LTBP1: variants seen among roughly 807,000 people sequenced by gnomAD.
LTBP1 encodes latent transforming growth factor beta binding protein 1.
In LTBP1, 129 loss-of-function variants were observed where a neutral mutation model predicts 207.6. That is an observed-to-expected ratio of 0.62 (90% CI 0.54 to 0.72). The LOEUF is 0.72. Ranked by LOEUF, LTBP1 falls within the 30% of genes least tolerant of loss-of-function variation. The probability of loss-of-function intolerance (pLI) is 0.00; values close to 1 mark genes in which losing one functional copy is unlikely to be tolerated. For synonymous variants in LTBP1, 963 were observed against 833.7 expected, an observed-to-expected ratio of 1.16 and a Z score of -2.67; for missense variants, 2,281 against 2,217.2, an observed-to-expected ratio of 1.03 and a Z score of -0.58.
chr2:33,268,942 G>A lies in LTBP1; in HGVS notation c.2618-4714G>A, dbSNP rs1204794089. 2.6e-5 allele frequency among the ~76,000 whole-genome samples: 4 copies of A among 152,100 alleles called. No homozygotes were observed. The South Asian group carries it at 8.3e-4, about 31-fold the overall frequency. The stretch of plus-strand genomic sequence containing the variant: ...GCCCAGACATTTAAAAAAACTATTT[G>A]CTCATCAGATCTTTTCCAGAACTCA... On this transcript the variant is annotated intron_variant, in intron 15 of 33. Transcript: ENST00000404816.
intron 24 of LTBP1, among the ~76,000 whole-genome samples, chr2:33,330,869 G>C (rs116000419): frequency 0.015 from 2,226 of 149,290 alleles, 23 homozygotes; most frequent in East Asian, 0.026. Flanking sequence ...TTTGTGCCTG[G>C]AATGTTTGTT....
At chr2:33,099,601 A>G (rs2079594316) in intron 3 of LTBP1, among the ~76,000 whole-genome samples, 1 of 152,198 alleles carries the variant, frequency 6.6e-6, no homozygotes, top group Non-Finnish European at 1.5e-5. Context: ...ACTTAGAGGA[A>G]TTTGGTAACA....
In LTBP1 at chr2:33,393,455, C is replaced by T. The variant is rs182639361; in HGVS notation, c.4835-3678C>T. On this transcript the variant is annotated intron_variant, in intron 32 of 33. Coordinates refer to ENST00000404816, the MANE Select transcript of LTBP1 (RefSeq NM_206943.4). ...ATCCCTCCCCCCTCCCCCAACCCCGCGAAAGGCCCTGGTGTGTGATGTTCC... is the reference window on the plus strand; with the variant it reads ...ATCCCTCCCCCCTCCCCCAACCCCGTGAAAGGCCCTGGTGTGTGATGTTCC... Among the ~76,000 whole-genome samples, 833 of 142,304 alleles carry T rather than the reference C, an allele frequency of 5.9e-3. 1 individual carries two copies. The highest frequency in any genetic ancestry group is 8.8e-3 in the Non-Finnish European group (574 of 65,304). 93.4% of individuals were successfully genotyped at this position (142,304 alleles called of 152,430 possible).
intron 3 of LTBP1, among the ~76,000 whole-genome samples, chr2:33,068,452 G>T (rs1010773220): frequency 6.6e-6 from 1 of 151,940 alleles, no homozygotes; most frequent in Non-Finnish European, 1.5e-5. Context: ...CATCATCATC[G>T]TCCAGAGTCC....
intron 2 of LTBP1, among the ~76,000 whole-genome samples, chr2:32,994,275 G>A (rs1475997243): frequency 6.6e-6 from 1 of 152,012 alleles, no homozygotes; most frequent in Non-Finnish European, 1.5e-5. Flanking sequence ...GTTTTCTATG[G>A]AATGTGTCTC....
chr2:33,383,183 G>A (rs2095235680), intron 31 of LTBP1, among the ~76,000 whole-genome samples: 2 of 152,096 alleles, frequency 1.3e-5, no homozygotes, highest in South Asian at 2.1e-4. Context: ...CTGAAACCCC[G>A]TCTCTACTAA....
chr2:33,292,495 C>T (rs527560170), intron 19 of LTBP1, among the ~76,000 whole-genome samples: 3 of 152,232 alleles, frequency 2.0e-5, no homozygotes, highest in South Asian at 2.1e-4. Flanking sequence ...GGATTTTGTT[C>T]GGATTAAATG....
At chr2:33,123,731 T>G (rs2150422852) in intron 4 of LTBP1, among the ~76,000 whole-genome samples, 1 of 152,276 alleles carries the variant, frequency 6.6e-6, no homozygotes, top group East Asian at 1.9e-4. Flanking sequence ...AGCAAAGACA[T>G]GAGGTAAGTT....
At chr2:32,986,160 A>G (rs959770342) in intron 2 of LTBP1, among the ~76,000 whole-genome samples, 19 of 152,268 alleles carry the variant, frequency 1.2e-4, no homozygotes, top group Middle Eastern at 3.4e-3. Flanking sequence ...GTAAACATAG[A>G]TGATTACATT....
At chr2:33,246,420 T>C (rs968146326) in intron 10 of LTBP1, among the ~76,000 whole-genome samples, 1 of 151,958 alleles carries the variant, frequency 6.6e-6, no homozygotes, top group African/African-American at 2.4e-5. Context: ...AAGATAATGG[T>C]ATTTTTGGTA....
At chr2:33,352,775 C>T (rs1283703534) in intron 26 of LTBP1, among the ~76,000 whole-genome samples, 4 of 152,156 alleles carry the variant, frequency 2.6e-5, no homozygotes, top group Non-Finnish European at 5.9e-5. Context: ...AGTCCAAATG[C>T]ATTAGCAGGG....
At chr2:33,207,015 A>G (rs2089936125) in intron 7 of LTBP1, among the ~76,000 whole-genome samples, 1 of 152,238 alleles carries the variant, frequency 6.6e-6, no homozygotes, top group Non-Finnish European at 1.5e-5. Flanking sequence ...TAATCATGAT[A>G]ATACTGTACT....
At chr2:33,110,437 G>A in intron 3 of LTBP1, 145 bp from the exon 4 acceptor site, 2 of 658,778 alleles carry the variant, frequency 3.0e-6, no homozygotes, top group Non-Finnish European at 5.1e-6. Flanking sequence ...TGAGTGGTCA[G>A]CGACAGTATT....
At chr2:33,330,049 T>G (rs555713635) in intron 24 of LTBP1, among the ~76,000 whole-genome samples, 32 of 152,208 alleles carry the variant, frequency 2.1e-4, no homozygotes, top group African/African-American at 7.0e-4. Context: ...TTCATTTGTC[T>G]TAGTGTTTTG....
At chr2:33,192,211 T>C (rs1414033313) in intron 7 of LTBP1, among the ~76,000 whole-genome samples, 1 of 152,188 alleles carries the variant, frequency 6.6e-6, no homozygotes, top group African/African-American at 2.4e-5. Flanking sequence ...ATCTGAGGCA[T>C]AGTGCAGTAT....
In LTBP1 at chr2:33,187,018, C is replaced by A; in HGVS notation, c.1364C>A (p.Thr455Lys). ...HSQQPGKALG[T>K]HVIHSTHTLP... ...CAGCAGCCAGGCAAGGCGTTGGGGA[C>A]GCATGTCATCCATTCAACACATACC... Residue 455 changes from threonine (T) to lysine (K), a missense_variant, in exon 6 of 34, where the codon ACG becomes AAG. Physicochemically the swap from Thr to Lys is moderately conservative, Grantham distance 78. Coordinates refer to ENST00000404816, the MANE Select transcript of LTBP1 (RefSeq NM_206943.4). 6.2e-7 allele frequency: 1 copy of A among 1,614,142 alleles called. No homozygotes were observed. Among genetic ancestry groups the A allele is most frequent in the Non-Finnish European group, 8.5e-7 (1 of 1,180,022 alleles).
At chr2:33,281,457 C>T (rs988081998) in intron 19 of LTBP1, among the ~76,000 whole-genome samples, 83 of 152,286 alleles carry the variant, frequency 5.5e-4, no homozygotes, top group African/African-American at 1.6e-3. Context: ...GGAAGATTTG[C>T]TGCAAGATGA....
intron 11 of LTBP1, among the ~76,000 whole-genome samples, chr2:33,255,305 T>C (rs1449285565): frequency 6.6e-6 from 1 of 152,106 alleles, no homozygotes; most frequent in Admixed American, 6.6e-5. Context: ...CCAGTTAGAA[T>C]GGCAATCATT....
At chr2:33,377,169 C>T (rs1327412110) in intron 31 of LTBP1, among the ~76,000 whole-genome samples, 1 of 152,164 alleles carries the variant, frequency 6.6e-6, no homozygotes, top group Non-Finnish European at 1.5e-5. Flanking sequence ...CTGCTGAAGA[C>T]AGAGCTCTGG....
Sources: allele counts gnomAD v4.1 joint callset (sites outside exome capture counted in the v4.1 genomes callset), GRCh38; gene constraint gnomAD v4.1.1; transcripts MANE v1.5; gene names NCBI Gene and HGNC (gene_info 2026-07-23, HGNC 2026-07-21).